The following HDAC9 variants were observed in gnomAD, a reference collection of about 807,000 sequenced individuals.
HDAC9 encodes histone deacetylase 9.
In HDAC9, 41 loss-of-function variants were observed where a neutral mutation model predicts 139.4. That is an observed-to-expected ratio of 0.29 (90% CI 0.23 to 0.38). The LOEUF (loss-of-function observed/expected upper bound fraction) is 0.38. HDAC9 is among the 10% of genes least tolerant of loss of function. The pLI is 1.00. For synonymous variants in HDAC9, 517 were observed against 476.2 expected (o/e 1.09, Z -1.12); for missense variants, 1,147 against 1,297.0 (o/e 0.88, Z 1.78).
At chr7:18,750,719 T>C (rs1788368440) in intron 14 of HDAC9, among the ~76,000 whole-genome samples, 1 of 152,184 alleles carries the variant, frequency 6.6e-6, no homozygotes, top group Admixed American at 6.5e-5. Flanking sequence ...TTCTATGCAA[T>C]CCCATATGGA....
At chr7:18,696,530 C>T (rs1410425959) in intron 12 of HDAC9, among the ~76,000 whole-genome samples, 1 of 150,396 alleles carries the variant, frequency 6.6e-6, no homozygotes, top group Non-Finnish European at 1.5e-5. Flanking sequence ...TGCAGTGGCG[C>T]GATCTTGGCT....
At chr7:18,383,007 T>G (rs889428123) in intron 1 of HDAC9, among the ~76,000 whole-genome samples, 1 of 152,218 alleles carries the variant, frequency 6.6e-6, no homozygotes, top group Admixed American at 6.5e-5. Context: ...GAAAGATGCA[T>G]TGTGGTAAAG....
chr7:18,720,428 C>T (rs1785053633), intron 12 of HDAC9, among the ~76,000 whole-genome samples: 1 of 151,264 alleles, frequency 6.6e-6, no homozygotes, highest in Non-Finnish European at 1.5e-5. Context: ...ATTTTTCAGT[C>T]CCTTTAGTGT....
At chr7:18,358,299 G>C (rs1456217379) in intron 1 of HDAC9, among the ~76,000 whole-genome samples, 1 of 152,240 alleles carries the variant, frequency 6.6e-6, no homozygotes, top group Non-Finnish European at 1.5e-5. Flanking sequence ...GGGAAGTAAT[G>C]TGTTGAGTCC....
chr7:18,637,528 AC>A (rs1046194350), intron 8 of HDAC9, among the ~76,000 whole-genome samples: 2 of 152,120 alleles, frequency 1.3e-5, no homozygotes, highest in African/African-American at 4.8e-5. Flanking sequence ...GAAAAACAAA[AC>A]AAAACAGAGG....
At chr7:18,284,499 T>C (rs1216067464) in intron 2 of HDAC9, among the ~76,000 whole-genome samples, 5 of 152,054 alleles carry the variant, frequency 3.3e-5, no homozygotes, top group South Asian at 2.1e-4. Context: ...ACAAGAAAAG[T>C]GTGTTTGAAG....
At chr7:18,893,319 C>A (rs1800862474) in intron 22 of HDAC9, among the ~76,000 whole-genome samples, 1 of 151,984 alleles carries the variant, frequency 6.6e-6, no homozygotes, top group Admixed American at 6.6e-5. Context: ...CATAACATAA[C>A]CTTCGCTCTC....
chr7:18,206,242 G>A (rs1215877368), intron 2 of HDAC9, among the ~76,000 whole-genome samples: 1 of 152,130 alleles, frequency 6.6e-6, no homozygotes, highest in East Asian at 1.9e-4. Context: ...ACAAGGAGGG[G>A]ATTAAAGGCA....
At chr7:18,142,079 T>A (rs903877065) in intron 1 of HDAC9, among the ~76,000 whole-genome samples, 1 of 152,180 alleles carries the variant, frequency 6.6e-6, no homozygotes, top group Non-Finnish European at 1.5e-5. Flanking sequence ...CAAGTTCTAT[T>A]TGAAGAATTC....
chr7:18,098,753 G>A (rs904094287), intron 1 of HDAC9, among the ~76,000 whole-genome samples: 1 of 152,076 alleles, frequency 6.6e-6, no homozygotes, highest in African/African-American at 2.4e-5. Context: ...CCAGCACACA[G>A]CTGCTCATTG....
intron 1 of HDAC9, among the ~76,000 whole-genome samples, chr7:18,402,764 T>C (rs564530324): frequency 1.1e-4 from 17 of 152,308 alleles, no homozygotes; most frequent in Admixed American, 9.2e-4. Context: ...AACAGTTGAA[T>C]GAAAGGTTGC....
chr7:18,722,972 A>G (rs916395201), intron 12 of HDAC9, among the ~76,000 whole-genome samples: 4 of 152,184 alleles, frequency 2.6e-5, no homozygotes, highest in African/African-American at 9.6e-5. Context: ...GGTAATATGC[A>G]GAAAACTTGG....
At chr7:18,115,217 C>T (rs532682697) in intron 1 of HDAC9, among the ~76,000 whole-genome samples, 65 of 151,324 alleles carry the variant, frequency 4.3e-4, no homozygotes, top group African/African-American at 8.3e-4. Context: ...GGCATGAACC[C>T]GGGAGGCAGA....
rs974187247 is a variant in HDAC9, at chr7:18,809,490, C to G, written c.2322+16038C>G. On this transcript the variant is annotated intron_variant, in intron 17 of 25. Coordinates refer to ENST00000686413, the MANE Select transcript of HDAC9 (RefSeq NM_178425.4). ...ATAAGAAATTCATACAACTCAATGG[C>G]AAAAACAAAAACAAAATAACCTGAT... 3.3e-5 allele frequency among the ~76,000 whole-genome samples: 5 copies of G among 151,730 alleles called. No homozygotes were observed. The East Asian group carries it at 9.6e-4, about 29-fold the overall frequency.
At chr7:18,980,471 G>A (rs1247269345) in intron 25 of HDAC9, among the ~76,000 whole-genome samples, 1 of 152,098 alleles carries the variant, frequency 6.6e-6, no homozygotes, top group African/African-American at 2.4e-5. Flanking sequence ...ATCTCTCTGA[G>A]TTTAATTTTC....
At chr7:18,450,532 T>G (rs904382574) in intron 1 of HDAC9, among the ~76,000 whole-genome samples, 1 of 152,188 alleles carries the variant, frequency 6.6e-6, no homozygotes, top group Non-Finnish European at 1.5e-5. Context: ...CAGACACTTT[T>G]AGTAATTTTG....
intron 14 of HDAC9, among the ~76,000 whole-genome samples, chr7:18,755,077 C>T (rs1562916283): frequency 6.6e-6 from 1 of 152,038 alleles, no homozygotes; most frequent in Non-Finnish European, 1.5e-5. Flanking sequence ...AATCTAACCA[C>T]AAAACAGAGA....
chr7:18,874,581 A>G lies in HDAC9; in HGVS notation c.2788A>G (p.Lys930Glu), dbSNP rs867594195. The G allele has an allele frequency of 6.3e-7, 1 of 1,577,924 alleles. No individual in the cohort carries two copies. The highest frequency in any genetic ancestry group is 2.3e-5 in the East Asian group (1 of 43,834). Residue 930 changes from lysine to glutamate, a missense_variant, in exon 22 of 26, where the codon AAA becomes GAA. This residue lies in a region of HDAC9 where 407 missense variants were observed against 521.5 expected (regional missense o/e 0.78). Coordinates refer to ENST00000686413, the MANE Select transcript of HDAC9 (RefSeq NM_178425.4). ...EGHTPPLGGY[K>E]VTAKCFGHLT... is the part of the protein sequence containing the mutation. ...CCACACCCCTCCTCTAGGAGGGTAC[A>G]AAGTGACGGCAAAATGTAAGTACCT... is the stretch of plus-strand genomic sequence containing the variant.
At chr7:18,645,584 T>A (rs1017863635) in intron 9 of HDAC9, among the ~76,000 whole-genome samples, 1 of 152,178 alleles carries the variant, frequency 6.6e-6, no homozygotes, top group African/African-American at 2.4e-5. Context: ...ATTGTCATAC[T>A]AGCAGAAGAT....
Sources: allele counts gnomAD v4.1 joint callset (sites outside exome capture counted in the v4.1 genomes callset), GRCh38; gene constraint gnomAD v4.1.1; regional missense constraint gnomAD v4.1.1; transcripts MANE v1.5; gene names NCBI Gene and HGNC (gene_info 2026-07-23, HGNC 2026-07-21).